OLAH: variants seen among roughly 807,000 people sequenced by gnomAD.
The protein encoded by OLAH is oleoyl-ACP hydrolase, also known as S-acyl fatty acid synthase thioesterase, medium chain.
Under a neutral mutation model 27.8 loss-of-function variants are expected in OLAH, and 33 were observed. The ratio of observed to expected loss-of-function variants is 1.19; its 90% confidence interval spans 0.90 to 1.59. The LOEUF (loss-of-function observed/expected upper bound fraction) is 1.59, where lower values mean the gene tolerates loss of function less well. Among genes scored for constraint, OLAH ranks in the 40% most tolerant of loss-of-function variants. OLAH has a pLI of 0.00. For missense variants in OLAH, 359 were observed against 310.8 expected (o/e 1.16, Z -1.17); for synonymous variants, 120 against 102.9 (o/e 1.17, Z -1.01).
intron 6 of OLAH, among the ~76,000 whole-genome samples, chr10:15,070,147 G>GT (rs58944519): frequency 6.0e-4 from 87 of 144,678 alleles, no homozygotes; most frequent in East Asian, 1.6e-3. Context: ...CAGTTTCTCT[G>GT]TTTTTTTTTT....
At chr10:15,036,223 C>T (rs965373788) in intron 1 of OLAH, among the ~76,000 whole-genome samples, 3 of 152,008 alleles carry the variant, frequency 2.0e-5, no homozygotes, top group African/African-American at 7.3e-5. Context: ...TGGAGCCAGG[C>T]GTGGTGACTC....
intron 4 of OLAH, among the ~76,000 whole-genome samples, chr10:15,062,448 T>C (rs1233089801): frequency 2.6e-5 from 4 of 152,082 alleles, no homozygotes; most frequent in Non-Finnish European, 5.9e-5. Context: ...ATAACAATGC[T>C]TTAAAATTCT....
At position 15,060,717 on chromosome 10, in the gene OLAH, T is replaced by C. The variant is rs1040773959; in HGVS notation, c.164-1007T>C. On this transcript the variant is annotated intron_variant, in intron 3 of 7. Transcript: ENST00000378228. ...CCGTTTAAGGTCCTTGTCTGCTGAC[T>C]CCATCTTTTGTTATTTCTCTTCTGT... is the stretch of plus-strand genomic sequence containing the variant. 2.6e-5 allele frequency among the ~76,000 whole-genome samples: 4 copies of C among 152,190 alleles called. No individual in the cohort carries two copies. In the East Asian group the frequency reaches 7.7e-4, roughly 29 times the overall value.
intron 1 of OLAH, 21 bp from the exon 2 acceptor site, chr10:15,047,105 G>A: frequency 2.1e-6 from 1 of 475,390 alleles, no homozygotes; most frequent in Non-Finnish European, 3.7e-6. Context: ...CTTTTCCTCT[G>A]ACCTTCTTTA....
chr10:15,037,262 A>G (rs1843854636), intron 1 of OLAH, among the ~76,000 whole-genome samples: 1 of 152,112 alleles, frequency 6.6e-6, no homozygotes, highest in African/African-American at 2.4e-5. Flanking sequence ...AGTTTTTAAT[A>G]CTTTTATTTT....
upstream of OLAH, among the ~76,000 whole-genome samples, chr10:15,041,410 C>G (rs1292744551): frequency 6.6e-6 from 1 of 151,822 alleles, no homozygotes; most frequent in Non-Finnish European, 1.5e-5. Flanking sequence ...TCCTGAGTAA[C>G]TGGGATTACA....
At chr10:15,069,747 T>A (rs1844544336) in intron 6 of OLAH, among the ~76,000 whole-genome samples, 1 of 152,114 alleles carries the variant, frequency 6.6e-6, no homozygotes, top group African/African-American at 2.4e-5. Flanking sequence ...ACACCTGTAA[T>A]CCTAGCTACT....
At chr10:15,034,559 C>T (rs1187734383) in intron 1 of OLAH, among the ~76,000 whole-genome samples, 1 of 152,232 alleles carries the variant, frequency 6.6e-6, no homozygotes, top group Non-Finnish European at 1.5e-5. Flanking sequence ...GCCTTCACAG[C>T]AGGACCCACA....
rs777553953 is a variant in OLAH at position 15,071,790 on chromosome 10, T to C, written c.573-5T>C. The C allele has an allele frequency of 1.9e-6, 3 of 1,607,336 alleles. No individual in the cohort carries two copies. In the South Asian group the frequency reaches 3.3e-5, roughly 18 times the overall value. ...AATTACTAACCAGCTCTTTTATGTTTATAGCTCTAACGTACCATCTAAGGC... is the reference window on the plus strand; with the variant it reads ...AATTACTAACCAGCTCTTTTATGTTCATAGCTCTAACGTACCATCTAAGGC... On this transcript the variant is annotated splice_polypyrimidine_tract_variant and splice_region_variant and intron_variant, in intron 6 of 7. Transcript: ENST00000378228.
Position 15,047,331 on chromosome 10 carries a change from C to A in OLAH, c.32+11C>A, listed in dbSNP as rs1844039323. ...ACCTAAGAGAACCAGGCAGGCCACC[C>A]CTTGTGCCACCAGGCTCTTCCTCCA... On this transcript the variant is annotated intron_variant, in intron 2 of 7. Transcript: ENST00000378228. 1.2e-6 allele frequency: 2 copies of A among 1,613,032 alleles called. No individual in the cohort carries two copies. The highest frequency in any genetic ancestry group is 1.7e-6 in the Non-Finnish European group (2 of 1,179,536).
chr10:15,070,984 A>G (rs1010305977), intron 6 of OLAH, among the ~76,000 whole-genome samples: 27 of 151,348 alleles, frequency 1.8e-4, no homozygotes, highest in Admixed American at 1.4e-3. Flanking sequence ...GGGTCTTGCT[A>G]TGTTGCCCAG....
At chr10:15,039,040 T>G (rs1301553996), upstream of OLAH, among the ~76,000 whole-genome samples, 3 of 149,078 alleles carry the variant, frequency 2.0e-5, no homozygotes, top group Non-Finnish European at 4.5e-5. Flanking sequence ...CTGGGCAACA[T>G]AGAGAGACCC....
upstream of OLAH, among the ~76,000 whole-genome samples, chr10:15,043,476 T>TC (rs1843957814): frequency 7.1e-6 from 1 of 141,320 alleles, no homozygotes; most frequent in Middle Eastern, 3.7e-3. Context: ...ATTCTCTTCT[T>TC]CTTTTTTTTT....
At chr10:15,036,500 C>A (rs574665160) in intron 1 of OLAH, among the ~76,000 whole-genome samples, 44 of 152,000 alleles carry the variant, frequency 2.9e-4, no homozygotes, top group South Asian at 8.3e-4. Context: ...TCTATCCCCC[C>A]AAAAAAGAGA....
chr10:15,039,507 G>A (rs566993705), upstream of OLAH, among the ~76,000 whole-genome samples: 1 of 152,284 alleles, frequency 6.6e-6, no homozygotes, highest in South Asian at 2.1e-4. Flanking sequence ...AACCTGGGAG[G>A]CGGAGGTTGC....
intron 2 of OLAH, among the ~76,000 whole-genome samples, chr10:15,049,162 G>A (rs1844083622): frequency 8.0e-6 from 1 of 125,238 alleles, no homozygotes; most frequent in Admixed American, 1.0e-4. Context: ...GAGGCAAGAT[G>A]TCACTCTGTC....
intron 3 of OLAH, among the ~76,000 whole-genome samples, chr10:15,057,710 G>T (rs1420592793): frequency 6.6e-6 from 1 of 151,978 alleles, no homozygotes; most frequent in Non-Finnish European, 1.5e-5. Context: ...TGTCCCATTG[G>T]TGTACTTGCC....
chr10:15,036,271 G>A (rs867959544), intron 1 of OLAH, among the ~76,000 whole-genome samples: 1 of 152,186 alleles, frequency 6.6e-6, no homozygotes, highest in South Asian at 2.1e-4. Flanking sequence ...TCCAAGGTGG[G>A]TGGATCGCTT....
chr10:15,056,742 C>A lies in OLAH; in HGVS notation c.164-4982C>A, dbSNP rs544994058. On this transcript the variant is annotated intron_variant, in intron 3 of 7. Transcript: ENST00000378228. ...ACTTTTCAGCCTCAAGTGATCCTCC[C>A]ACCTCAGCCTCCTGAGTAGCTGGGA... is the stretch of plus-strand genomic sequence containing the variant. The A allele has an allele frequency of 3.5e-3, 4,476 of 1,261,616 alleles. 32 individuals carry two copies. The highest frequency in any genetic ancestry group is 0.018 in the South Asian group (602 of 33,710). 78.2% of individuals were successfully genotyped at this position (1,261,616 alleles called of 1,614,324 possible). A position where few individuals can be genotyped will look rare whatever the true frequency, so the allele number is the denominator to read the frequency against.
Sources: gnomAD v4.1 joint callset for allele counts (sites outside exome capture counted in the v4.1 genomes callset) on GRCh38, gnomAD v4.1.1 for gene constraint, MANE v1.5 for transcripts, NCBI Gene and HGNC (gene_info 2026-07-23, HGNC 2026-07-21) for gene names.